The following MSRA variants were observed in gnomAD, a reference collection of about 807,000 sequenced individuals.
MSRA encodes methionine sulfoxide reductase A, also known as mitochondrial peptide methionine sulfoxide reductase.
In MSRA, 54 loss-of-function variants were observed where a neutral mutation model predicts 31.3. The observed-to-expected ratio is 1.73, with a 90% CI of 1.39 to 2.17. The LOEUF is 2.17. MSRA is among the 30% of genes most tolerant of loss of function. The pLI is 0.00. For synonymous variants in MSRA, 169 were observed against 116.5 expected (o/e 1.45, Z -2.90); for missense variants, 507 against 300.9 (o/e 1.69, Z -5.07).
chr8:10,110,757 C>T (rs571335566), intron 1 of MSRA, among the ~76,000 whole-genome samples: 6 of 152,290 alleles, frequency 3.9e-5, no homozygotes, highest in African/African-American at 1.2e-4. Context: ...TGTGGTGCTG[C>T]GATCTTTCTA....
At chr8:10,079,488 A>T (rs1325352548) in intron 1 of MSRA, among the ~76,000 whole-genome samples, 1 of 152,180 alleles carries the variant, frequency 6.6e-6, no homozygotes, top group African/African-American at 2.4e-5. Context: ...CTCATTAATT[A>T]CAGGAACATC....
intron 4 of MSRA, among the ~76,000 whole-genome samples, chr8:10,306,938 A>G (rs945473733): frequency 6.6e-6 from 1 of 152,162 alleles, no homozygotes; most frequent in Non-Finnish European, 1.5e-5. Flanking sequence ...TTAGCGATAG[A>G]TGTTTCATAA....
chr8:10,179,252 A>G (rs1806329389), intron 1 of MSRA, among the ~76,000 whole-genome samples: 1 of 152,164 alleles, frequency 6.6e-6, no homozygotes, highest in Non-Finnish European at 1.5e-5. Context: ...CAGTTTTTTG[A>G]AGAAGCTGGA....
At chr8:10,111,535 C>T (rs1800281699) in intron 1 of MSRA, among the ~76,000 whole-genome samples, 2 of 152,080 alleles carry the variant, frequency 1.3e-5, no homozygotes, top group African/African-American at 4.8e-5. Flanking sequence ...TAGGGAGGGA[C>T]CATCAGACAG....
chr8:10,167,037 G>T (rs1355091567), intron 1 of MSRA, among the ~76,000 whole-genome samples: 3 of 152,180 alleles, frequency 2.0e-5, no homozygotes, highest in Admixed American at 1.3e-4. Flanking sequence ...GCAAAGTGCA[G>T]AGCCAAATAT....
chr8:10,395,067 A>C (rs73197263), intron 5 of MSRA, among the ~76,000 whole-genome samples: 13,664 of 152,244 alleles, frequency 0.09, 818 homozygotes, highest in Non-Finnish European at 0.13. Context: ...GCCAACACAC[A>C]CAGTCACCTG....
At chr8:10,159,757 C>G (rs1478556196) in intron 1 of MSRA, among the ~76,000 whole-genome samples, 1 of 152,078 alleles carries the variant, frequency 6.6e-6, no homozygotes, top group African/African-American at 2.4e-5. Context: ...TCTTAACATG[C>G]TGTTTAGATT....
intron 4 of MSRA, among the ~76,000 whole-genome samples, chr8:10,318,460 C>T (rs1801851139): frequency 6.6e-6 from 1 of 152,120 alleles, no homozygotes; most frequent in African/African-American, 2.4e-5. Context: ...AGTGTGGAGG[C>T]TACAGTTGAC....
intron 3 of MSRA, among the ~76,000 whole-genome samples, chr8:10,248,007 T>A (rs1005617007): frequency 3.9e-5 from 6 of 152,052 alleles, no homozygotes; most frequent in African/African-American, 1.2e-4. Flanking sequence ...CTGGCGGGCC[T>A]CCCCTCTGAA....
chr8:10,260,473 G>C (rs1267552254), intron 3 of MSRA, among the ~76,000 whole-genome samples: 4 of 152,162 alleles, frequency 2.6e-5, no homozygotes, highest in Admixed American at 6.5e-5. Context: ...GTACACAAGC[G>C]AGGCAGCACG....
chr8:10,128,532 T>A (rs1287479532), intron 1 of MSRA, among the ~76,000 whole-genome samples: 1 of 152,224 alleles, frequency 6.6e-6, no homozygotes, highest in African/African-American at 2.4e-5. Context: ...TGTATCATTC[T>A]CCTGGGGCAT....
intron 5 of MSRA, among the ~76,000 whole-genome samples, chr8:10,413,572 A>C (rs1042014876): frequency 1.3e-5 from 2 of 152,092 alleles, no homozygotes; most frequent in Non-Finnish European, 2.9e-5. Context: ...ATAAAGGTGC[A>C]CCAAGAACTA....
intron 5 of MSRA, among the ~76,000 whole-genome samples, chr8:10,407,223 A>G (rs1387275033): frequency 1.3e-5 from 2 of 152,244 alleles, no homozygotes; most frequent in East Asian, 3.9e-4. Context: ...GTGATGAACA[A>G]GAACTGGCAT....
intron 2 of MSRA, among the ~76,000 whole-genome samples, chr8:10,230,343 A>G (rs1811359557): frequency 6.6e-6 from 1 of 152,182 alleles, no homozygotes. Flanking sequence ...CACTGGGTGG[A>G]TGGGCAGGGT....
chr8:10,327,661 C>T (rs1011575309), intron 5 of MSRA, among the ~76,000 whole-genome samples: 5 of 152,014 alleles, frequency 3.3e-5, no homozygotes, highest in East Asian at 3.9e-4. Flanking sequence ...TGGCTGGGCA[C>T]GGTGGCTCAC....
intron 5 of MSRA, among the ~76,000 whole-genome samples, chr8:10,353,143 T>C (rs2129159894): frequency 6.6e-6 from 1 of 152,292 alleles, no homozygotes; most frequent in Admixed American, 6.5e-5. Flanking sequence ...CACACACACA[T>C]TCTCACTGTG....
In MSRA at chr8:10,245,213, A is replaced by G. The variant is rs1397716060; in HGVS notation, c.321A>G (p.Glu107=). The change falls in exon 3 of 6, where the codon GAA becomes GAG. Residue 107 remains glutamate (E), a synonymous_variant. Coordinates refer to ENST00000317173, the MANE Select transcript of MSRA (RefSeq NM_012331.5). ...GGYTSNPTYK[E]VCSEKTGHAE... ...ATACTTCAAATCCTACTTATAAAGAAGTCTGCTCAGGTAGGAAGAATTTGC... is the reference window on the plus strand; with the variant it reads ...ATACTTCAAATCCTACTTATAAAGAGGTCTGCTCAGGTAGGAAGAATTTGC... 6.2e-7 allele frequency: 1 copy of G among 1,613,246 alleles called. No individual in the cohort carries two copies. Among genetic ancestry groups the G allele is most frequent in the African/African-American group, 1.3e-5 (1 of 74,902 alleles).
intron 3 of MSRA, chr8:10,250,497 T>G: frequency 1.4e-6 from 1 of 701,444 alleles, no homozygotes. Context: ...TGGCACTGAA[T>G]CCAGAAGCAT....
In MSRA at chr8:10,112,187, C is replaced by T. The variant is rs115809293; in HGVS notation, c.142+57529C>T. The stretch of plus-strand genomic sequence containing the variant: ...TTAAAAGAGCAACTCACCACAATCA[C>T]GTAGGGTTTATTCCAGAAACAAAAG... On this transcript the variant is annotated intron_variant, in intron 1 of 5. Transcript: ENST00000317173. Among the ~76,000 whole-genome samples the T allele has an allele frequency of 4.3e-3, 650 of 152,250 alleles. 2 individuals carry two copies. Among genetic ancestry groups the T allele is most frequent in the Middle Eastern group, 0.014 (4 of 294 alleles).
Sources: gnomAD v4.1 joint callset for allele counts (sites outside exome capture counted in the v4.1 genomes callset) on GRCh38, gnomAD v4.1.1 for gene constraint, MANE v1.5 for transcripts, NCBI Gene and HGNC (gene_info 2026-07-23, HGNC 2026-07-21) for gene names.